The following DHX36 variants were observed in gnomAD, a reference collection of about 807,000 sequenced individuals.
DHX36 encodes the protein ATP-dependent DNA/RNA helicase DHX36.
A neutral mutation model predicts 139.0 loss-of-function variants in DHX36; 50 were observed. That is an observed-to-expected ratio of 0.36 (90% CI 0.29 to 0.46). The LOEUF (loss-of-function observed/expected upper bound fraction) is 0.46, where lower values mean the gene tolerates loss of function less well. Among genes scored for constraint, DHX36 ranks in the 20% least tolerant of loss-of-function variants. The pLI, the probability that DHX36 is intolerant of heterozygous loss-of-function variation, is 1.00. For synonymous variants in DHX36, 425 were observed against 401.9 expected (o/e 1.06, Z -0.69); for missense variants, 1,024 against 1,211.3 (o/e 0.85, Z 2.29).
chr3:154,307,250 G>A (rs1002956486), intron 5 of DHX36, among the ~76,000 whole-genome samples: 1 of 151,914 alleles, frequency 6.6e-6, no homozygotes, highest in African/African-American at 2.4e-5. Flanking sequence ...AAGCACAGGC[G>A]ACAAAAATAA....
intron 20 of DHX36, among the ~76,000 whole-genome samples, chr3:154,282,542 T>C (rs1719365470): frequency 6.6e-6 from 1 of 152,068 alleles, no homozygotes; most frequent in South Asian, 2.1e-4. Flanking sequence ...CTTTTTTTTT[T>C]CTTTTCCTTT....
chr3:154,292,772 T>A, intron 14 of DHX36, 78 bp from the exon 15 acceptor site: 2 of 1,534,924 alleles, frequency 1.3e-6, no homozygotes, highest in Non-Finnish European at 1.7e-6. Context: ...TCGAAAGCAC[T>A]ATTAACCTAT....
At position 154,324,443 on chromosome 3, in the gene DHX36, A is replaced by T. The variant is rs1408872321; in HGVS notation, c.-27T>A. 3.4e-6 allele frequency: 5 copies of T among 1,455,306 alleles called. No homozygotes were observed. The East Asian group carries it at 9.9e-5, about 29-fold the overall frequency. 90.1% of individuals were successfully genotyped at this position (1,455,306 alleles called of 1,614,324 possible). ...GTCCTGGCAGACTACAACCCGTCAG[A>T]ACCAGCAACCGCTGGAAATGGCGTC... On this transcript the variant is annotated 5_prime_UTR_variant, in exon 1 of 25. Transcript: ENST00000496811.
At chr3:154,320,623 T>C (rs171390) in intron 1 of DHX36, among the ~76,000 whole-genome samples, 62,201 of 152,000 alleles carry the variant, frequency 0.41, 12,829 homozygotes, top group East Asian at 0.46. Context: ...ATAGTGTCCA[T>C]AGCTGAGCCT....
At chr3:154,305,610 T>TA (rs1405863267) in intron 6 of DHX36, among the ~76,000 whole-genome samples, 2 of 151,726 alleles carry the variant, frequency 1.3e-5, no homozygotes, top group East Asian at 1.9e-4. Context: ...GCTCGAAAAG[T>TA]AAAAAAATTA....
Position 154,299,834 on chromosome 3 carries a change from G to T in DHX36, c.1549+4C>A, listed in dbSNP as rs778849133. The T allele has an allele frequency of 6.3e-7, 1 of 1,585,154 alleles. No individual in the cohort carries two copies. Among genetic ancestry groups the T allele is most frequent in the South Asian group, 1.1e-5 (1 of 90,488 alleles). On this transcript the variant is annotated splice_donor_region_variant and intron_variant, in intron 12 of 24. Transcript: ENST00000496811. ...AATTACAGTAAAATACATTTACATA[G>T]TACCTGATTTAAACATTACTTGTGA...
intron 14 of DHX36, 45 bp downstream of exon 14, chr3:154,293,703 A>T: frequency 2.8e-6 from 4 of 1,413,216 alleles, no homozygotes; most frequent in Non-Finnish European, 3.0e-6. Flanking sequence ...ATGGTGTTTA[A>T]AACTTATGTA....
At chr3:154,303,965 C>T (rs757881945) in intron 8 of DHX36, among the ~76,000 whole-genome samples, 3 of 152,148 alleles carry the variant, frequency 2.0e-5, no homozygotes, top group Non-Finnish European at 2.9e-5. Context: ...AAAAAGCAAA[C>T]ATCACATCAG....
At chr3:154,315,007 A>G (rs187908686) in intron 3 of DHX36, 39 bp downstream of exon 3, 1 of 1,441,100 alleles carries the variant, frequency 6.9e-7, no homozygotes, top group East Asian at 2.3e-5. Context: ...AAAGTGTAAG[A>G]AAAAAATGAC....
At chr3:154,317,628 G>GTT (rs1713034716) in intron 1 of DHX36, among the ~76,000 whole-genome samples, 1 of 152,016 alleles carries the variant, frequency 6.6e-6, no homozygotes, top group Non-Finnish European at 1.5e-5. Flanking sequence ...TAAAATGGAC[G>GTT]TAAGTAAGGC....
At chr3:154,294,660 GA>G (rs1436936779) in intron 13 of DHX36, among the ~76,000 whole-genome samples, 1 of 152,058 alleles carries the variant, frequency 6.6e-6, no homozygotes, top group Non-Finnish European at 1.5e-5. Flanking sequence ...GGGTCTCAAA[GA>G]AAAGTATCTT....
At chr3:154,321,240 T>G (rs1713174409) in intron 1 of DHX36, among the ~76,000 whole-genome samples, 1 of 152,230 alleles carries the variant, frequency 6.6e-6, no homozygotes, top group African/African-American at 2.4e-5. Flanking sequence ...TGAAATTGAC[T>G]GCCCTAACCT....
intron 5 of DHX36, among the ~76,000 whole-genome samples, 193 bp downstream of exon 5, chr3:154,309,460 A>G (rs897426462): frequency 2.0e-5 from 3 of 152,140 alleles, no homozygotes; most frequent in Admixed American, 1.3e-4. Context: ...GAATTCATAA[A>G]TATCTATTAT....
chr3:154,283,447 C>T (rs1719393792), intron 19 of DHX36, among the ~76,000 whole-genome samples, 176 bp from the exon 20 acceptor site: 1 of 151,964 alleles, frequency 6.6e-6, no homozygotes, highest in African/African-American at 2.4e-5. Context: ...CCCCATGATC[C>T]TAGTCCTTAA....
At position 154,315,066 on chromosome 3, in the gene DHX36, G is replaced by A. The variant is rs1471738542; in HGVS notation, c.583C>T (p.Leu195Phe). ...LEDLQKKKND[L>F]RYIEMQHFRE... ...ACTACCTGCATTTCAATATACCGAA[G>A]GTCATTTTTTTTCTTTTGTAAATCT... The change falls in exon 3 of 25, where the codon CTT becomes TTT. Residue 195 changes from leucine to phenylalanine, a missense_variant. Leu to Phe is a conservative substitution (Grantham distance 22). Transcript: ENST00000496811. 6.2e-7 allele frequency: 1 copy of A among 1,604,148 alleles called. No individual in the cohort carries two copies. Among genetic ancestry groups the A allele is most frequent in the Non-Finnish European group, 8.5e-7 (1 of 1,175,608 alleles).
At chr3:154,321,483 T>C (rs981173059) in intron 1 of DHX36, among the ~76,000 whole-genome samples, 1 of 152,222 alleles carries the variant, frequency 6.6e-6, no homozygotes, top group Admixed American at 6.5e-5. Flanking sequence ...AGTTAGGTGA[T>C]AGCCCATATT....
chr3:154,317,034 G>T (rs1258548536), intron 1 of DHX36, among the ~76,000 whole-genome samples: 2 of 151,958 alleles, frequency 1.3e-5, no homozygotes, highest in Non-Finnish European at 2.9e-5. Flanking sequence ...AAGTATAAAT[G>T]GAAAGAAAAC....
Position 154,299,863 on chromosome 3 carries a change from C to G in DHX36, c.1524G>C (p.Leu508Phe). The G allele has an allele frequency of 1.2e-6, 2 of 1,613,018 alleles. No individual in the cohort carries two copies. The highest frequency in any genetic ancestry group is 1.7e-6 in the Non-Finnish European group (2 of 1,179,142). The change falls in exon 12 of 25, where the codon TTG (leucine) becomes TTC (phenylalanine). Residue 508 changes from leucine to phenylalanine, a missense_variant. Around this residue, in one of 4 missense-constraint regions of DHX36, gnomAD observed 470 missense variants for 616.2 expected, o/e 0.76. Coordinates refer to ENST00000496811, the MANE Select transcript of DHX36 (RefSeq NM_020865.3). ...CTGATTTAAACATTACTTGTGACAT[C>G]AAGAGATCATGTAAAGTGCTGATAT... ...WDNISTLHDLLMSQVMFKSDK... is the reference protein window; with the variant it reads ...WDNISTLHDLFMSQVMFKSDK...
At chr3:154,322,549 A>C (rs1460466993) in intron 1 of DHX36, among the ~76,000 whole-genome samples, 1 of 152,244 alleles carries the variant, frequency 6.6e-6, no homozygotes, top group East Asian at 1.9e-4. Flanking sequence ...GAAGAAGCAA[A>C]GATAAATCTC....
Sources: allele counts gnomAD v4.1 joint callset (sites outside exome capture counted in the v4.1 genomes callset), GRCh38; gene constraint gnomAD v4.1.1; regional missense constraint gnomAD v4.1.1; transcripts MANE v1.5; gene names NCBI Gene and HGNC (gene_info 2026-07-23, HGNC 2026-07-21).